DNM3: variants seen among roughly 807,000 people sequenced by gnomAD.
DNM3 encodes the protein dynamin 3.
Under a neutral mutation model 101.6 loss-of-function variants are expected in DNM3, and 47 were observed. The observed-to-expected ratio is 0.46, with a 90% CI of 0.37 to 0.59. The LOEUF is 0.59. Among genes scored for constraint, DNM3 ranks in the 20% least tolerant of loss-of-function variants. The pLI is 0.00. For synonymous variants in DNM3, 385 were observed against 387.9 expected, an observed-to-expected ratio of 0.99 and a Z score of 0.09; for missense variants, 849 against 1,085.7, an observed-to-expected ratio of 0.78 and a Z score of 3.06.
At chr1:172,072,603 C>G (rs746898516) in intron 11 of DNM3, among the ~76,000 whole-genome samples, 1 of 152,084 alleles carries the variant, frequency 6.6e-6, no homozygotes, top group Non-Finnish European at 1.5e-5. Flanking sequence ...GTTAACTGTT[C>G]TTGGCCAGGC....
chr1:172,008,337 G>A (rs748774380), intron 4 of DNM3, among the ~76,000 whole-genome samples: 2 of 151,830 alleles, frequency 1.3e-5, no homozygotes, highest in Non-Finnish European at 2.9e-5. Flanking sequence ...ATAATTTTGG[G>A]TATACATTTA....
intron 1 of DNM3, among the ~76,000 whole-genome samples, chr1:171,878,662 TAAC>T (rs2035993839): frequency 6.6e-6 from 1 of 152,118 alleles, no homozygotes; most frequent in South Asian, 2.1e-4. Context: ...CAGGTGGCCA[TAAC>T]TTTATTTTCT....
At chr1:172,223,004 C>T (rs1008294597) in intron 14 of DNM3, among the ~76,000 whole-genome samples, 2 of 152,028 alleles carry the variant, frequency 1.3e-5, no homozygotes, top group African/African-American at 2.4e-5. Flanking sequence ...TTTCCATACA[C>T]GTATACATTG....
At chr1:172,095,868 G>A (rs2054211351) in intron 13 of DNM3, among the ~76,000 whole-genome samples, 2 of 152,214 alleles carry the variant, frequency 1.3e-5, no homozygotes, top group Non-Finnish European at 2.9e-5. Context: ...AAAAATGTGA[G>A]CACATAATTT....
rs918017787 is a variant in DNM3, at chr1:172,347,634, T to A, written c.1893+24294T>A. Among the ~76,000 whole-genome samples, 11 of 152,158 alleles carry A rather than the reference T, an allele frequency of 7.2e-5. No individual in the cohort carries two copies. The South Asian group carries it at 2.3e-3, about 32-fold the overall frequency. On this transcript the variant is annotated intron_variant, in intron 17 of 20. Coordinates refer to ENST00000627582, the MANE Select transcript of DNM3 (RefSeq NM_015569.5). ...TATGAATACACTGACCAGAATAAAGTCCAAGCCAGAATAAAATCCGAAAGA... is the reference window on the plus strand; with the variant it reads ...TATGAATACACTGACCAGAATAAAGACCAAGCCAGAATAAAATCCGAAAGA...
chr1:171,944,650 A>T (rs2042038598), intron 2 of DNM3, among the ~76,000 whole-genome samples: 1 of 152,004 alleles, frequency 6.6e-6, no homozygotes, highest in African/African-American at 2.4e-5. Context: ...CTGGGATTAC[A>T]GGTGTGAGCC....
rs1351181893 is a variant in DNM3, at chr1:172,056,872, G to T, written c.1335+8122G>T. 5.9e-5 allele frequency among the ~76,000 whole-genome samples: 9 copies of T among 152,130 alleles called. No homozygotes were observed. In the South Asian group the frequency reaches 6.2e-4, roughly 11 times the overall value. ...CGACTTTGACGAGCTGAGAGAAGAAGGCTTCAGATGATCAAATTACTCTGA... is the reference window on the plus strand; with the variant it reads ...CGACTTTGACGAGCTGAGAGAAGAATGCTTCAGATGATCAAATTACTCTGA... On this transcript the variant is annotated intron_variant, in intron 10 of 20. Coordinates refer to ENST00000627582, the MANE Select transcript of DNM3 (RefSeq NM_015569.5).
intron 9 of DNM3, among the ~76,000 whole-genome samples, chr1:172,045,238 T>C (rs144204291): frequency 2.6e-5 from 4 of 152,248 alleles, no homozygotes; most frequent in Non-Finnish European, 5.9e-5. Flanking sequence ...TAAATTACCT[T>C]CCATCTTAGT....
chr1:172,127,249 C>G (rs2056679770), intron 13 of DNM3, among the ~76,000 whole-genome samples: 2 of 152,154 alleles, frequency 1.3e-5, no homozygotes, highest in South Asian at 4.2e-4. Context: ...CTTACTCTCT[C>G]AACCTCCCCG....
At chr1:171,893,647 G>A (rs1414690357) in intron 1 of DNM3, among the ~76,000 whole-genome samples, 1 of 151,950 alleles carries the variant, frequency 6.6e-6, no homozygotes, top group Non-Finnish European at 1.5e-5. Context: ...TAGAGATGAG[G>A]TCTCATTATA....
At chr1:172,355,644 G>C (rs2067415415) in intron 17 of DNM3, among the ~76,000 whole-genome samples, 1 of 152,150 alleles carries the variant, frequency 6.6e-6, no homozygotes, top group African/African-American at 2.4e-5. Context: ...GAACTGGAAA[G>C]AGACGTGTAC....
At chr1:171,884,210 T>A (rs531201245) in intron 1 of DNM3, among the ~76,000 whole-genome samples, 2 of 152,226 alleles carry the variant, frequency 1.3e-5, no homozygotes, top group African/African-American at 4.8e-5. Context: ...TTGGTTCTGG[T>A]GTTCTCTTTG....
chr1:171,879,417 T>C (rs1420324226), intron 1 of DNM3, among the ~76,000 whole-genome samples: 1 of 152,358 alleles, frequency 6.6e-6, no homozygotes, highest in East Asian at 1.9e-4. Flanking sequence ...CACTTTACAT[T>C]ATTTTGAATG....
rs867549241 is a variant in DNM3 at position 172,398,307 on chromosome 1, A to T, written c.2523-9465A>T. Among the ~76,000 whole-genome samples, 4 of 152,340 alleles carry T rather than the reference A, an allele frequency of 2.6e-5. No homozygotes were observed. The East Asian group carries it at 5.8e-4, about 22-fold the overall frequency. On this transcript the variant is annotated intron_variant, in intron 20 of 20. Transcript: ENST00000627582. ...CAGAACAGTCTTCCTCTAGTTACTT[A>T]TATCAAACACTTGCCTGCTAGCTGT...
chr1:172,252,537 C>T (rs913045881), intron 14 of DNM3, among the ~76,000 whole-genome samples: 1 of 152,124 alleles, frequency 6.6e-6, no homozygotes, highest in African/African-American at 2.4e-5. Flanking sequence ...ACTAAGTCTC[C>T]ATTCTCTCCA....
chr1:172,016,245 G>C (rs1292272226), intron 4 of DNM3, among the ~76,000 whole-genome samples: 1 of 151,702 alleles, frequency 6.6e-6, no homozygotes, highest in Non-Finnish European at 1.5e-5. Flanking sequence ...TGTAGATGTA[G>C]ATGTTCTTTA....
At chr1:172,304,223 C>G (rs1352990765) in intron 15 of DNM3, among the ~76,000 whole-genome samples, 1 of 62,196 alleles carries the variant, frequency 1.6e-5, no homozygotes, top group East Asian at 3.8e-4. Context: ...AAAAAAAAAA[C>G]AGGAGTTGCA....
chr1:172,304,977 A>G (rs917746663), intron 15 of DNM3, among the ~76,000 whole-genome samples: 1 of 152,222 alleles, frequency 6.6e-6, no homozygotes, highest in Non-Finnish European at 1.5e-5. Flanking sequence ...AAAGAACTAG[A>G]GACGCAAAAG....
chr1:172,187,015 T>C (rs2059550886), intron 14 of DNM3, among the ~76,000 whole-genome samples: 1 of 152,124 alleles, frequency 6.6e-6, no homozygotes, highest in African/African-American at 2.4e-5. Flanking sequence ...AAAGGAAATA[T>C]CTTTGCACAT....
Sources: gnomAD v4.1 joint callset for allele counts (sites outside exome capture counted in the v4.1 genomes callset) on GRCh38, gnomAD v4.1.1 for gene constraint, MANE v1.5 for transcripts, NCBI Gene and HGNC (gene_info 2026-07-23, HGNC 2026-07-21) for gene names.